Variants in GOLPH3 observed in about 807,000 individuals in gnomAD.
GOLPH3 encodes the protein coat protein GPP34.
Under a neutral mutation model 28.5 loss-of-function variants are expected in GOLPH3, and 14 were observed. The observed-to-expected ratio is 0.49, with a 90% CI of 0.32 to 0.77. The LOEUF (loss-of-function observed/expected upper bound fraction) is 0.77, where lower values mean the gene tolerates loss of function less well. Ranked by LOEUF, GOLPH3 falls within the 30% of genes least tolerant of loss-of-function variation. The probability of loss-of-function intolerance (pLI) is 0.03; values close to 1 mark genes in which losing one functional copy is unlikely to be tolerated. For missense variants in GOLPH3, 350 were observed against 393.7 expected (o/e 0.89, Z 0.94); for synonymous variants, 158 against 159.2 (o/e 0.99, Z 0.06).
intron 1 of GOLPH3, among the ~76,000 whole-genome samples, chr5:32,170,708 G>T (rs1453735817): frequency 6.6e-6 from 1 of 152,054 alleles, no homozygotes; most frequent in Non-Finnish European, 1.5e-5. Context: ...GCTACTCAGG[G>T]CGGATCACTT....
intron 1 of GOLPH3, among the ~76,000 whole-genome samples, chr5:32,163,753 C>T (rs1445433927): frequency 1.3e-5 from 2 of 151,904 alleles, no homozygotes; most frequent in African/African-American, 4.8e-5. Context: ...TTGGATTAAA[C>T]GGAACATATA....
chr5:32,172,806 A>G (rs766972659), intron 1 of GOLPH3, among the ~76,000 whole-genome samples: 6 of 152,250 alleles, frequency 3.9e-5, no homozygotes, highest in Non-Finnish European at 8.8e-5. Context: ...GATTTCGGTA[A>G]GCCGAGATCG....
At chr5:32,134,460 C>CA (rs1355975611) in intron 3 of GOLPH3, among the ~76,000 whole-genome samples, 1 of 151,400 alleles carries the variant, frequency 6.6e-6, no homozygotes, top group Admixed American at 6.6e-5. Flanking sequence ...TCACCCGCCT[C>CA]AGCCTCCCAA....
intron 1 of GOLPH3, among the ~76,000 whole-genome samples, chr5:32,162,011 A>G (rs1399805116): frequency 7.0e-6 from 1 of 141,950 alleles, no homozygotes; most frequent in Non-Finnish European, 1.5e-5. Context: ...TGGGCGACAG[A>G]GCGAGACTCC....
intron 1 of GOLPH3, among the ~76,000 whole-genome samples, chr5:32,172,711 A>C (rs1746868299): frequency 1.3e-5 from 2 of 151,570 alleles, no homozygotes; most frequent in Admixed American, 6.6e-5. Context: ...AAAACAAAAC[A>C]AAAACACAAA....
chr5:32,158,339 C>T (rs753861592), intron 1 of GOLPH3, among the ~76,000 whole-genome samples: 1 of 152,144 alleles, frequency 6.6e-6, no homozygotes, highest in Non-Finnish European at 1.5e-5. Context: ...ACTCTTTTGT[C>T]TCGTTACAGT....
chr5:32,153,885 A>G (rs965840535), intron 1 of GOLPH3, among the ~76,000 whole-genome samples: 1 of 152,218 alleles, frequency 6.6e-6, no homozygotes, highest in African/African-American at 2.4e-5. Flanking sequence ...AGTGTGGTCC[A>G]TTCCCCACCA....
At chr5:32,129,039 AG>A (rs1745763853) in intron 3 of GOLPH3, among the ~76,000 whole-genome samples, 1 of 151,920 alleles carries the variant, frequency 6.6e-6, no homozygotes, top group African/African-American at 2.4e-5. Flanking sequence ...AAAATTAGCC[AG>A]GCATGGTAGC....
intron 1 of GOLPH3, among the ~76,000 whole-genome samples, chr5:32,167,279 C>CT (rs1355899097): frequency 6.6e-6 from 1 of 152,158 alleles, no homozygotes; most frequent in Non-Finnish European, 1.5e-5. Flanking sequence ...TCAAGTGATT[C>CT]TCCTGCCTCA....
At chr5:32,154,346 T>A (rs778876615) in intron 1 of GOLPH3, among the ~76,000 whole-genome samples, 1 of 152,266 alleles carries the variant, frequency 6.6e-6, no homozygotes, top group South Asian at 2.1e-4. Flanking sequence ...ATTTGTGATA[T>A]ATGTGCTTTA....
Position 32,126,173 on chromosome 5 carries a change from T to C in GOLPH3, c.*39A>G. The C allele has an allele frequency of 6.4e-7, 1 of 1,559,686 alleles. No homozygotes were observed. Among genetic ancestry groups the C allele is most frequent in the Non-Finnish European group, 8.7e-7 (1 of 1,149,446 alleles). On this transcript the variant is annotated 3_prime_UTR_variant, in exon 4 of 4. Transcript: ENST00000265070. The stretch of plus-strand genomic sequence containing the variant: ...AGTCAACAGAAGAAAAACTACTGGT[T>C]TACTTGAGAGAAAGGAGAATGGTTC...
intron 1 of GOLPH3, among the ~76,000 whole-genome samples, chr5:32,168,464 T>C (rs1412840644): frequency 6.6e-6 from 1 of 152,204 alleles, no homozygotes; most frequent in Non-Finnish European, 1.5e-5. Flanking sequence ...TTTCAAGACA[T>C]AGAGTTAAGT....
chr5:32,166,590 T>C (rs1212332118), intron 1 of GOLPH3, among the ~76,000 whole-genome samples: 1 of 152,090 alleles, frequency 6.6e-6, no homozygotes, highest in Non-Finnish European at 1.5e-5. Context: ...GGCGGATCAC[T>C]TGAGGTCAAG....
intron 3 of GOLPH3, among the ~76,000 whole-genome samples, chr5:32,127,902 G>C (rs1287124887): frequency 6.6e-6 from 1 of 152,202 alleles, no homozygotes; most frequent in Admixed American, 6.5e-5. Flanking sequence ...ATGTGAGCCT[G>C]ACAACTGCCT....
intron 1 of GOLPH3, among the ~76,000 whole-genome samples, chr5:32,168,016 A>G (rs935074897): frequency 6.6e-6 from 1 of 152,230 alleles, no homozygotes; most frequent in Non-Finnish European, 1.5e-5. Context: ...GAGATCCTGT[A>G]TATCTCATAC....
At chr5:32,168,399 T>TC (rs1254221619) in intron 1 of GOLPH3, among the ~76,000 whole-genome samples, 1 of 152,250 alleles carries the variant, frequency 6.6e-6, no homozygotes, top group African/African-American at 2.4e-5. Context: ...TCATTTTGGT[T>TC]AATCTTAAGT....
chr5:32,137,774 C>G (rs1359921756), intron 2 of GOLPH3, among the ~76,000 whole-genome samples: 3 of 152,128 alleles, frequency 2.0e-5, no homozygotes. Context: ...ACCCTATAGC[C>G]TTCATTCACG....
At chr5:32,162,805 G>A (rs1205697530) in intron 1 of GOLPH3, among the ~76,000 whole-genome samples, 17 of 152,228 alleles carry the variant, frequency 1.1e-4, no homozygotes, top group Non-Finnish European at 1.9e-4. Flanking sequence ...ATGGCCGGGC[G>A]CGGTGGCTCA....
chr5:32,157,305 T>C (rs1323429335), intron 1 of GOLPH3, among the ~76,000 whole-genome samples: 2 of 152,196 alleles, frequency 1.3e-5, no homozygotes, highest in East Asian at 3.9e-4. Flanking sequence ...ACCAGTCTCC[T>C]CCGTTCTTTC....
Sources: allele counts gnomAD v4.1 joint callset (sites outside exome capture counted in the v4.1 genomes callset), GRCh38; gene constraint gnomAD v4.1.1; transcripts MANE v1.5; gene names NCBI Gene and HGNC (gene_info 2026-07-23, HGNC 2026-07-21).